The following RBM19 variants were observed in gnomAD, a reference collection of about 807,000 sequenced individuals.
RBM19 encodes probable RNA-binding protein 19.
RBM19 carries 94 observed loss-of-function variants against 116.8 expected under a neutral mutation model. The ratio of observed to expected loss-of-function variants is 0.80; its 90% CI spans 0.68 to 0.95. RBM19 has a LOEUF of 0.95. Ranked by LOEUF, RBM19 falls within the 40% of genes least tolerant of loss-of-function variation. The probability of loss-of-function intolerance (pLI) is 0.00; values close to 1 mark genes in which losing one functional copy is unlikely to be tolerated. For missense variants in RBM19, 1,161 were observed against 1,220.7 expected, an observed-to-expected ratio of 0.95 and a Z score of 0.73; for synonymous variants, 475 against 494.1, an observed-to-expected ratio of 0.96 and a Z score of 0.51.
intron 22 of RBM19, among the ~76,000 whole-genome samples, chr12:113,845,430 C>G (rs1039927156): frequency 3.3e-5 from 5 of 152,214 alleles, no homozygotes; most frequent in African/African-American, 1.2e-4. Flanking sequence ...CTGCCTGGTT[C>G]CCTCTTTCTG....
At chr12:113,911,196 T>G (rs1023980586) in intron 21 of RBM19, among the ~76,000 whole-genome samples, 4 of 152,140 alleles carry the variant, frequency 2.6e-5, no homozygotes, top group Non-Finnish European at 5.9e-5. Flanking sequence ...GAAGTTTGTG[T>G]GTACATGCAT....
chr12:113,926,890 C>T (rs1183392728), intron 17 of RBM19, among the ~76,000 whole-genome samples, 164 bp downstream of exon 17: 1 of 152,258 alleles, frequency 6.6e-6, no homozygotes, highest in Non-Finnish European at 1.5e-5. Context: ...GAGTCATCTA[C>T]TGGACACCCC....
intron 21 of RBM19, 55 bp downstream of exon 21, chr12:113,914,914 C>A: frequency 6.8e-7 from 1 of 1,475,520 alleles, no homozygotes; most frequent in Non-Finnish European, 9.5e-7. Context: ...CCCTGAGACT[C>A]GGGCAGGCTC....
At chr12:113,945,378 T>C (rs1870925763) in intron 13 of RBM19, among the ~76,000 whole-genome samples, 1 of 152,150 alleles carries the variant, frequency 6.6e-6, no homozygotes, top group South Asian at 2.1e-4. Flanking sequence ...GAGACATGGT[T>C]CAGAGCCAAG....
rs1012947249 is a variant in RBM19 at position 113,823,121 on chromosome 12, G to A, written c.*103C>T. On this transcript the variant is annotated 3_prime_UTR_variant, in exon 24 of 24. Coordinates refer to ENST00000261741, the MANE Select transcript of RBM19 (RefSeq NM_016196.4). ...CCAGTGCAGGGTGGGGCCGCCTGCC[G>A]CTCCCCGCCCCGCCCCCCAGCCCAC... is the stretch of plus-strand genomic sequence containing the variant. 6.5e-5 allele frequency: 72 copies of A among 1,104,172 alleles called. 1 individual carries two copies. Among genetic ancestry groups the A allele is most frequent in the South Asian group, 5.3e-4 (37 of 69,468 alleles). The allele number at this position is 1,104,172 out of a possible 1,614,324, so 68.4% of individuals were successfully genotyped here.
intron 23 of RBM19, among the ~76,000 whole-genome samples, chr12:113,844,352 C>T (rs1876760899): frequency 6.6e-6 from 1 of 152,248 alleles, no homozygotes; most frequent in African/African-American, 2.4e-5. Context: ...GACCTGGCAA[C>T]CTGGCAGGCA....
intron 22 of RBM19, among the ~76,000 whole-genome samples, chr12:113,850,978 T>G (rs1447006034): frequency 2.6e-5 from 4 of 152,190 alleles, no homozygotes; most frequent in Non-Finnish European, 5.9e-5. Flanking sequence ...TCTGCCTCCC[T>G]GGGGTGTTTT....
chr12:113,931,572 C>T (rs994605395), intron 16 of RBM19, among the ~76,000 whole-genome samples: 2 of 152,218 alleles, frequency 1.3e-5, no homozygotes, highest in Non-Finnish European at 2.9e-5. Context: ...GTGCCCTCTG[C>T]CCCTCTCCCT....
At chr12:113,893,799 G>A (rs192811168) in intron 21 of RBM19, among the ~76,000 whole-genome samples, 13 of 152,310 alleles carry the variant, frequency 8.5e-5, no homozygotes, top group East Asian at 1.9e-4. Context: ...TCTTTCAATT[G>A]ACATTGAGTA....
rs759341735 is a variant in RBM19 at position 113,959,253 on chromosome 12, C to A, written c.530G>T (p.Gly177Val). Residue 177 changes from glycine to valine, a missense_variant, in exon 5 of 24, where the codon GGG becomes GTG. Gly to Val is a moderately radical substitution (Grantham distance 109). Coordinates refer to ENST00000261741, the MANE Select transcript of RBM19 (RefSeq NM_016196.4). ...GGCTCCCTCCTCCTCACTCTCCTGC[C>A]CAGAATCGGAGTCGAAGTTCAGGTA... is the stretch of plus-strand genomic sequence containing the variant. ...SDYLNFDSDS[G>V]QESEEEGAGE... 1.2e-6 allele frequency: 2 copies of A among 1,613,336 alleles called. No individual in the cohort carries two copies. The highest frequency in any genetic ancestry group is 1.7e-6 in the Non-Finnish European group (2 of 1,179,842).
intron 21 of RBM19, among the ~76,000 whole-genome samples, chr12:113,909,059 T>C (rs557380207): frequency 1.2e-4 from 18 of 152,320 alleles, no homozygotes; most frequent in African/African-American, 4.1e-4. Flanking sequence ...CAGGCTGAGC[T>C]ACCCTGGACA....
intron 15 of RBM19, among the ~76,000 whole-genome samples, chr12:113,938,793 C>A (rs1412191579): frequency 6.6e-6 from 1 of 152,128 alleles, no homozygotes; most frequent in Non-Finnish European, 1.5e-5. Flanking sequence ...AGTGATGCAG[C>A]CATGGGCCAG....
intron 11 of RBM19, 108 bp from the exon 12 acceptor site, chr12:113,946,583 A>G: frequency 6.9e-7 from 1 of 1,457,730 alleles, no homozygotes; most frequent in South Asian, 1.2e-5. Context: ...CCAGCACTGA[A>G]ACCCTGACCA....
chr12:113,928,554 C>T (rs927894338), intron 16 of RBM19, among the ~76,000 whole-genome samples: 3 of 149,738 alleles, frequency 2.0e-5, no homozygotes, highest in African/African-American at 7.4e-5. Flanking sequence ...GCACTTTGTA[C>T]CGCTTCCACT....
chr12:113,867,331 T>A (rs1878892266), intron 21 of RBM19, among the ~76,000 whole-genome samples: 1 of 152,210 alleles, frequency 6.6e-6, no homozygotes, highest in African/African-American at 2.4e-5. Flanking sequence ...ATGGGACTCA[T>A]CATTCAGATA....
chr12:113,825,161 T>C lies in RBM19; in HGVS notation c.2786-1840A>G, dbSNP rs1305371462. On this transcript the variant is annotated intron_variant, in intron 23 of 23. Coordinates refer to ENST00000261741, the MANE Select transcript of RBM19 (RefSeq NM_016196.4). This position sits in a 1 kb window ranked among gnomAD's most constrained non-coding sequence, Gnocchi z 5.7. ...GTGCCTAGCAAGTGCTTGTGAAATA[T>C]CCCAGAAAGGGGAATGAGCGGACGG... Among the ~76,000 whole-genome samples, 2 of 152,234 alleles carry C rather than the reference T, an allele frequency of 1.3e-5. No homozygotes were observed. The highest frequency in any genetic ancestry group is 2.4e-5 in the African/African-American group (1 of 41,456).
chr12:113,838,289 G>A (rs1333081821), intron 23 of RBM19, among the ~76,000 whole-genome samples: 1 of 152,218 alleles, frequency 6.6e-6, no homozygotes. Flanking sequence ...ACCCACATGG[G>A]GTGAACACAC....
chr12:113,884,385 T>A (rs905935012), intron 21 of RBM19, among the ~76,000 whole-genome samples: 4 of 151,550 alleles, frequency 2.6e-5, no homozygotes, highest in African/African-American at 9.7e-5. Context: ...TTTGCCCCTG[T>A]CCCCACCTCT....
At chr12:113,829,606 C>G (rs1875187770) in intron 23 of RBM19, among the ~76,000 whole-genome samples, 1 of 152,230 alleles carries the variant, frequency 6.6e-6, no homozygotes, top group Admixed American at 6.5e-5. Flanking sequence ...AACCACCAGC[C>G]ATGGGGGCCA....
Sources: gnomAD v4.1 joint callset for allele counts (sites outside exome capture counted in the v4.1 genomes callset) on GRCh38, gnomAD v4.1.1 for gene constraint, Gnocchi (gnomAD v3.1) non-coding constraint, MANE v1.5 for transcripts, NCBI Gene and HGNC (gene_info 2026-07-23, HGNC 2026-07-21) for gene names.